Variants in PAPOLA observed in about 807,000 individuals in gnomAD.
PAPOLA encodes the protein polynucleotide adenylyltransferase alpha.
In PAPOLA, 15 loss-of-function variants were observed where a neutral mutation model predicts 100.6. The observed-to-expected ratio is 0.15, with a 90% CI of 0.10 to 0.23. PAPOLA has a LOEUF of 0.23. PAPOLA is among the 10% of genes least tolerant of loss of function. PAPOLA has a pLI of 1.00. For missense variants in PAPOLA, 533 were observed against 884.2 expected (o/e 0.60, Z 5.04); for synonymous variants, 293 against 300.0 (o/e 0.98, Z 0.24).
intron 12 of PAPOLA, among the ~76,000 whole-genome samples, chr14:96,539,895 GT>G (rs35158152): frequency 8.6e-5 from 13 of 151,386 alleles, no homozygotes; most frequent in Admixed American, 7.3e-4. Flanking sequence ...ATATTTGCGG[GT>G]TTTTTTTTAT....
rs549172182 is a variant in PAPOLA at position 96,506,198 on chromosome 14, C to T, written c.8+3598C>T. 1.4e-3 allele frequency among the ~76,000 whole-genome samples: 206 copies of T among 152,234 alleles called. 1 individual carries two copies. Among genetic ancestry groups the T allele is most frequent in the Middle Eastern group, 7.0e-3 (2 of 286 alleles). On this transcript the variant is annotated intron_variant, in intron 1 of 21. Coordinates refer to ENST00000216277, the MANE Select transcript of PAPOLA (RefSeq NM_032632.5). The stretch of plus-strand genomic sequence containing the variant: ...GGATTACAGGCATGAGCCACGGCGC[C>T]CGGCTGTCATTTTATTTCTTGAAGA...
chr14:96,559,598 C>T (rs12891688), intron 19 of PAPOLA, among the ~76,000 whole-genome samples: 1,778 of 96,756 alleles, frequency 0.018, 23 homozygotes, highest in Non-Finnish European at 0.024. Context: ...TATATATATA[C>T]ACACACACAT....
At chr14:96,527,596 G>GACTA in intron 5 of PAPOLA, 57 bp downstream of exon 5, 3 of 956,138 alleles carry the variant, frequency 3.1e-6, no homozygotes, top group Non-Finnish European at 3.4e-6. Context: ...TTAGTCAGTT[G>GACTA]AGTGAATTTT....
chr14:96,527,336 A>G, intron 4 of PAPOLA, 94 bp from the exon 5 acceptor site: 1 of 747,788 alleles, frequency 1.3e-6, no homozygotes. Flanking sequence ...CCAGTATGTT[A>G]AACAGATTCT....
intron 4 of PAPOLA, among the ~76,000 whole-genome samples, chr14:96,525,686 A>G (rs1264838952): frequency 2.0e-5 from 3 of 152,168 alleles, no homozygotes; most frequent in Admixed American, 1.3e-4. Flanking sequence ...AGGGAGGTCA[A>G]GGCTGCAGTG....
intron 1 of PAPOLA, among the ~76,000 whole-genome samples, chr14:96,507,437 G>T (rs1016294474): frequency 1.3e-5 from 2 of 151,398 alleles, no homozygotes; most frequent in Non-Finnish European, 2.9e-5. Context: ...ACAGGCGCCC[G>T]CCACTGCGCC....
intron 6 of PAPOLA, among the ~76,000 whole-genome samples, chr14:96,530,451 A>G (rs960668463): frequency 6.6e-6 from 1 of 151,268 alleles, no homozygotes; most frequent in Non-Finnish European, 1.5e-5. Flanking sequence ...CAGTGTTGCA[A>G]TCACAGTTCA....
intron 12 of PAPOLA, among the ~76,000 whole-genome samples, chr14:96,541,396 A>G (rs1030676305): frequency 1.1e-4 from 17 of 152,198 alleles, no homozygotes; most frequent in African/African-American, 4.1e-4. Flanking sequence ...AGATGATGTC[A>G]GTTTGCTTTT....
rs1902247515 is a variant in PAPOLA at position 96,566,085 on chromosome 14, A to G, written c.*1035A>G. On this transcript the variant is annotated 3_prime_UTR_variant, in exon 22 of 22. Coordinates refer to ENST00000216277, the MANE Select transcript of PAPOLA (RefSeq NM_032632.5). ...TATCTGGGATGGCCATTTGATCTCT[A>G]AAAGGAATTTTGTACACTCCACAGA... The G allele has an allele frequency of 4.3e-5, 17 of 395,348 alleles. No homozygotes were observed. Among genetic ancestry groups the G allele is most frequent in the Admixed American group, 1.8e-4 (4 of 22,682 alleles). 24.5% of individuals were successfully genotyped at this position (395,348 alleles called of 1,614,324 possible).
chr14:96,564,319 G>A (rs1335280176), intron 21 of PAPOLA, among the ~76,000 whole-genome samples: 3 of 151,916 alleles, frequency 2.0e-5, no homozygotes, highest in Non-Finnish European at 4.4e-5. Flanking sequence ...GAATACATGG[G>A]GATGCATTAT....
chr14:96,541,202 A>G (rs1175283376), intron 12 of PAPOLA, among the ~76,000 whole-genome samples: 1 of 152,184 alleles, frequency 6.6e-6, no homozygotes, highest in Non-Finnish European at 1.5e-5. Context: ...CCATGTTTCA[A>G]ATACATTTTT....
At chr14:96,503,203 C>G (rs1178045141) in intron 1 of PAPOLA, among the ~76,000 whole-genome samples, 1 of 152,234 alleles carries the variant, frequency 6.6e-6, no homozygotes, top group Non-Finnish European at 1.5e-5. Flanking sequence ...GCCTCCACCT[C>G]CGCCTCCCTA....
At position 96,552,640 on chromosome 14, in the gene PAPOLA, A is replaced by C. The variant is rs1349678967; in HGVS notation, c.1664+18A>C. On this transcript the variant is annotated intron_variant, in intron 17 of 21. Coordinates refer to ENST00000216277, the MANE Select transcript of PAPOLA (RefSeq NM_032632.5). ...TCTCAGGGGTAAGGAAAAAGAGGGAAATAGAAGTGGAGGGGCTGTTTGCTA... is the reference window on the plus strand; with the variant it reads ...TCTCAGGGGTAAGGAAAAAGAGGGACATAGAAGTGGAGGGGCTGTTTGCTA... 2.5e-6 allele frequency: 4 copies of C among 1,607,812 alleles called. No homozygotes were observed. In the Admixed American group the frequency reaches 5.1e-5, roughly 20 times the overall value.
chr14:96,524,313 C>T (rs550505614), intron 3 of PAPOLA, among the ~76,000 whole-genome samples: 5 of 152,224 alleles, frequency 3.3e-5, no homozygotes, highest in African/African-American at 1.2e-4. Flanking sequence ...GCCAGGAAGG[C>T]AGTTTTTGAA....
At position 96,566,815 on chromosome 14, in the gene PAPOLA, G is replaced by GTCT. The variant is rs1181455264; in HGVS notation, c.*1767_*1769dup. The GTCT allele has an allele frequency of 1.3e-5, 2 of 152,532 alleles. No homozygotes were observed. The highest frequency in any genetic ancestry group is 2.9e-5 in the Non-Finnish European group (2 of 68,014). The allele number at this position is 152,532 out of a possible 1,614,324, so 9.4% of individuals were successfully genotyped here. A position where few individuals can be genotyped will look rare whatever the true frequency, so the allele number is the denominator to read the frequency against. ...ATTGAAATTACCAGGCACAGATTTAGTCTTGTCATTTTGTTTACACATTGG... is the reference window on the plus strand; with the variant it reads ...ATTGAAATTACCAGGCACAGATTTAGTCTTCTTGTCATTTTGTTTACACATTGG... On this transcript the variant is annotated 3_prime_UTR_variant, in exon 22 of 22. Coordinates refer to ENST00000216277, the MANE Select transcript of PAPOLA (RefSeq NM_032632.5).
At chr14:96,523,852 A>T (rs760594388) in intron 3 of PAPOLA, among the ~76,000 whole-genome samples, 6 of 151,984 alleles carry the variant, frequency 3.9e-5, no homozygotes, top group Non-Finnish European at 5.9e-5. Flanking sequence ...CTGAGGCAGG[A>T]TAATGGCTTG....
Position 96,566,495 on chromosome 14 carries a change from T to C in PAPOLA, c.*1445T>C, listed in dbSNP as rs191944884. The C allele has an allele frequency of 2.1e-4, 32 of 152,716 alleles. No individual in the cohort carries two copies. Among genetic ancestry groups the C allele is most frequent in the African/African-American group, 7.7e-4 (32 of 41,574 alleles). The allele number at this position is 152,716 out of a possible 1,614,324, so 9.5% of individuals were successfully genotyped here. A position where few individuals can be genotyped will look rare whatever the true frequency, so the allele number is the denominator to read the frequency against. On this transcript the variant is annotated 3_prime_UTR_variant, in exon 22 of 22. Transcript: ENST00000216277. ...TTTATGAATCCTCCATTGTGCTCCA[T>C]TCTATCACATGTGCATTTTTCATGT...
At chr14:96,531,231 G>T (rs1331226076) in intron 6 of PAPOLA, among the ~76,000 whole-genome samples, 1 of 152,014 alleles carries the variant, frequency 6.6e-6, no homozygotes, top group Non-Finnish European at 1.5e-5. Flanking sequence ...TCGATCTCCT[G>T]ACCTCGTGAT....
chr14:96,549,875 G>A (rs1000245686), intron 16 of PAPOLA, among the ~76,000 whole-genome samples: 9 of 152,080 alleles, frequency 5.9e-5, no homozygotes, highest in East Asian at 1.9e-4. Flanking sequence ...TTTTGGACCC[G>A]GGAATGGTGG....
Sources: gnomAD v4.1 joint callset for allele counts (sites outside exome capture counted in the v4.1 genomes callset) on GRCh38, gnomAD v4.1.1 for gene constraint, MANE v1.5 for transcripts, NCBI Gene and HGNC (gene_info 2026-07-23, HGNC 2026-07-21) for gene names.